CD244: variants seen among roughly 807,000 people sequenced by gnomAD.
CD244 encodes the protein CD244 molecule.
CD244 carries 20 observed loss-of-function variants against 45.5 expected under a neutral mutation model. The observed-to-expected ratio is 0.44, with a 90% CI of 0.31 to 0.64. The LOEUF (loss-of-function observed/expected upper bound fraction) is 0.64. Among genes scored for constraint, CD244 ranks in the 30% least tolerant of loss-of-function variants. The pLI is 0.08. For synonymous variants in CD244, 185 were observed against 160.5 expected (o/e 1.15, Z -1.15); for missense variants, 407 against 426.9 (o/e 0.95, Z 0.41).
rs754676842 is a variant in CD244 at position 160,831,386 on chromosome 1, C to T, written c.1059G>A (p.Leu353=). 5 of 1,614,042 alleles carry T rather than the reference C, an allele frequency of 3.1e-6. No homozygotes were observed. In the East Asian group the frequency reaches 8.9e-5, roughly 29 times the overall value. ...CAAAGTTCTCCAGCTCTTTGCGGCT[C>T]AATCGAGCAGGGTTCTGGGCTTTAG... ...SQPKAQNPAR[L]SRKELENFDV... Residue 353 remains leucine (L), a synonymous_variant, in exon 9 of 9, where the codon TTG becomes TTA. Coordinates refer to ENST00000368034, the MANE Select transcript of CD244 (RefSeq NM_016382.4).
At chr1:160,841,105 A>G in intron 3 of CD244, 105 bp downstream of exon 3, 1 of 1,113,838 alleles carries the variant, frequency 9.0e-7, no homozygotes, top group South Asian at 1.5e-5. Flanking sequence ...GCACTGGGAG[A>G]GGAGGCCAAG....
intron 3 of CD244, 62 bp downstream of exon 3, chr1:160,841,148 A>G: frequency 6.6e-7 from 1 of 1,519,680 alleles, no homozygotes; most frequent in East Asian, 2.3e-5. Flanking sequence ...TGTCTTGCAC[A>G]TGAGCCTGGT....
At chr1:160,838,797 C>A (rs867731346) in intron 4 of CD244, 142 bp downstream of exon 4, 2 of 640,970 alleles carry the variant, frequency 3.1e-6, no homozygotes, top group East Asian at 2.7e-5. Flanking sequence ...GCTTGCCCCC[C>A]GCCACCACGC....
intron 5 of CD244, among the ~76,000 whole-genome samples, chr1:160,836,941 A>C (rs1333467717): frequency 3.3e-5 from 5 of 152,262 alleles, no homozygotes; most frequent in Admixed American, 3.3e-4. Flanking sequence ...AGAAGCAGAG[A>C]ACTGTCAGCT....
chr1:160,851,165 A>T (rs1669906933), intron 1 of CD244, among the ~76,000 whole-genome samples: 1 of 152,126 alleles, frequency 6.6e-6, no homozygotes. Flanking sequence ...AATAAATGGG[A>T]ATGATTGACC....
intron 3 of CD244, 128 bp downstream of exon 3, chr1:160,841,082 G>T: frequency 1.1e-6 from 1 of 871,306 alleles, no homozygotes; most frequent in Non-Finnish European, 1.8e-6. Context: ...GCTACCCTGG[G>T]AAGGGCTACA....
rs374974000 is a variant in CD244 at position 160,841,791 on chromosome 1, G to A, written c.172C>T (p.Pro58Ser). The A allele has an allele frequency of 3.1e-6, 5 of 1,613,986 alleles. No homozygotes were observed. Among genetic ancestry groups the A allele is most frequent in the African/African-American group, 1.3e-5 (1 of 74,896 alleles). ...VDSIAWKKLLPSQNGFHHILK... is the reference protein window; with the variant it reads ...VDSIAWKKLLSSQNGFHHILK... The stretch of plus-strand genomic sequence containing the variant: ...ATGTGATGAAATCCATTTTGTGAGG[G>A]CAGCAACTTCTTCCATGCAATGCTG... Residue 58 changes from proline to serine, a missense_variant, in exon 2 of 9, where the codon CCC (proline) becomes TCC (serine). Physicochemically the swap from Pro to Ser is moderately conservative, Grantham distance 74 (BLOSUM62 -1). Coordinates refer to ENST00000368034, the MANE Select transcript of CD244 (RefSeq NM_016382.4).
chr1:160,858,994 G>A (rs1003881882), intron 1 of CD244, among the ~76,000 whole-genome samples: 4 of 152,150 alleles, frequency 2.6e-5, no homozygotes, highest in Non-Finnish European at 5.9e-5. Flanking sequence ...AGAGGAGACT[G>A]GGAGACAGAA....
intron 1 of CD244, among the ~76,000 whole-genome samples, chr1:160,843,494 C>T (rs1218287583): frequency 1.3e-5 from 2 of 152,202 alleles, no homozygotes; most frequent in Non-Finnish European, 1.5e-5. Flanking sequence ...TGCAATCCAG[C>T]CCCTGAAGAG....
chr1:160,854,415 C>T (rs1044436226), intron 1 of CD244, among the ~76,000 whole-genome samples: 31 of 152,198 alleles, frequency 2.0e-4, no homozygotes, highest in African/African-American at 7.2e-4. Flanking sequence ...CAGAGTCTCG[C>T]TCTGTCACCC....
At chr1:160,841,104 G>T in intron 3 of CD244, 106 bp downstream of exon 3, 1 of 1,113,722 alleles carries the variant, frequency 9.0e-7, no homozygotes. Flanking sequence ...GGCACTGGGA[G>T]AGGAGGCCAA....
Position 160,830,365 on chromosome 1 carries a change from C to T in CD244, c.*982G>A, listed in dbSNP as rs961131059. On this transcript the variant is annotated 3_prime_UTR_variant, in exon 9 of 9. Transcript: ENST00000368034. Reference sequence around the variant, plus strand: ...TCCTGGGCTCAGCCAGAGTCACAGCCCTGCTCCCCACAGCCTTGTTGAAAT... The same window carrying T: ...TCCTGGGCTCAGCCAGAGTCACAGCTCTGCTCCCCACAGCCTTGTTGAAAT... 6.6e-6 allele frequency: 1 copy of T among 152,390 alleles called. No homozygotes were observed. The highest frequency in any genetic ancestry group is 2.4e-5 in the African/African-American group (1 of 41,406). The allele number at this position is 152,390 out of a possible 1,614,324, so 9.4% of individuals were successfully genotyped here. A position where few individuals can be genotyped will look rare whatever the true frequency, so the allele number is the denominator to read the frequency against.
intron 1 of CD244, among the ~76,000 whole-genome samples, chr1:160,842,915 C>A (rs1669595056): frequency 1.3e-5 from 2 of 152,066 alleles, no homozygotes; most frequent in African/African-American, 4.8e-5. Flanking sequence ...TGTGGCATGG[C>A]CCAGCAGGTG....
chr1:160,832,787 TATG>T, intron 7 of CD244: 1 of 1,028,070 alleles, frequency 9.7e-7, no homozygotes, highest in Non-Finnish European at 1.4e-6. Context: ...TTGCCTATAA[TATG>T]ATATTTCTGA....
In CD244 at chr1:160,847,150, T is replaced by C. The variant is rs138895999; in HGVS notation, c.62-5249A>G. ...CATCATTATAAAAGAACCAATTAAG[T>C]AGGAATAAACAATCATCTTCAGTTT... On this transcript the variant is annotated intron_variant, in intron 1 of 8. Coordinates refer to ENST00000368034, the MANE Select transcript of CD244 (RefSeq NM_016382.4). Among the ~76,000 whole-genome samples the C allele has an allele frequency of 2.7e-3, 409 of 152,110 alleles. 3 individuals are homozygous for C. The highest frequency in any genetic ancestry group is 9.2e-3 in the African/African-American group (383 of 41,518).
chr1:160,862,171 C>T (rs569918080), intron 1 of CD244, among the ~76,000 whole-genome samples: 1 of 152,318 alleles, frequency 6.6e-6, no homozygotes, highest in African/African-American at 2.4e-5. Context: ...CTGCTGGCCT[C>T]GCCCTCCCCT....
chr1:160,859,743 C>T (rs143066978), intron 1 of CD244, among the ~76,000 whole-genome samples: 7 of 108,652 alleles, frequency 6.4e-5, no homozygotes, highest in African/African-American at 2.1e-4. Flanking sequence ...CCTGTATCTA[C>T]AAAAAAAAAA....
chr1:160,839,730 A>T (rs1037580283), intron 3 of CD244, among the ~76,000 whole-genome samples: 21 of 152,216 alleles, frequency 1.4e-4, no homozygotes, highest in Non-Finnish European at 1.5e-5. Context: ...TGTGGTTGCG[A>T]GGTGGGTCCT....
At chr1:160,839,629 G>A (rs1669462740) in intron 3 of CD244, among the ~76,000 whole-genome samples, 1 of 152,186 alleles carries the variant, frequency 6.6e-6, no homozygotes, top group Non-Finnish European at 1.5e-5. Flanking sequence ...GGTGACTTAA[G>A]TAAGGTATAC....
Sources: gnomAD v4.1 joint callset for allele counts (sites outside exome capture counted in the v4.1 genomes callset) on GRCh38, gnomAD v4.1.1 for gene constraint, MANE v1.5 for transcripts, NCBI Gene and HGNC (gene_info 2026-07-23, HGNC 2026-07-21) for gene names.